Variants in ESRRG observed in about 807,000 individuals in gnomAD.
ESRRG encodes the protein estrogen-related receptor gamma.
In ESRRG, 13 loss-of-function variants were observed where a neutral mutation model predicts 44.0. The observed-to-expected ratio is 0.30, with a 90% CI of 0.19 to 0.47. The LOEUF (loss-of-function observed/expected upper bound fraction) is 0.47, where lower values mean the gene tolerates loss of function less well. Among genes scored for constraint, ESRRG ranks in the 20% least tolerant of loss-of-function variants. The probability of loss-of-function intolerance (pLI) is 1.00; values close to 1 mark genes in which losing one functional copy is unlikely to be tolerated. For synonymous variants in ESRRG, 215 were observed against 214.6 expected (o/e 1.00, Z -0.02); for missense variants, 395 against 580.6 (o/e 0.68, Z 3.29).
At chr1:216,679,632 T>C (rs6700110) in intron 1 of ESRRG, among the ~76,000 whole-genome samples, 4,092 of 107,158 alleles carry the variant, frequency 0.038, 178 homozygotes, top group African/African-American at 0.1. Flanking sequence ...ATTTTTTTTT[T>C]CTTTTTTTTT....
At chr1:216,898,355 C>T (rs1363205743) in intron 2 of ESRRG, among the ~76,000 whole-genome samples, 3 of 152,132 alleles carry the variant, frequency 2.0e-5, no homozygotes, top group Non-Finnish European at 4.4e-5. Context: ...CGGTGGCTCA[C>T]GCCTGTAATC....
intron 1 of ESRRG, among the ~76,000 whole-genome samples, chr1:217,128,954 T>TA (rs1239640835): frequency 6.6e-6 from 1 of 152,042 alleles, no homozygotes; most frequent in Non-Finnish European, 1.5e-5. Flanking sequence ...CTGGGCAACA[T>TA]AATGAGACCC....
chr1:216,923,659 G>T (rs1213860187), intron 2 of ESRRG, among the ~76,000 whole-genome samples: 1 of 152,202 alleles, frequency 6.6e-6, no homozygotes, highest in East Asian at 1.9e-4. Context: ...AGTGGCAGCA[G>T]GTTTTAAGGA....
At chr1:216,704,710 ATAT>A (rs2082109606) in intron 1 of ESRRG, among the ~76,000 whole-genome samples, 1 of 152,230 alleles carries the variant, frequency 6.6e-6, no homozygotes. Context: ...ATAACATATA[ATAT>A]TATCCACACG....
chr1:216,577,952 G>A (rs550083008), intron 3 of ESRRG, among the ~76,000 whole-genome samples: 1 of 152,050 alleles, frequency 6.6e-6, no homozygotes, highest in African/African-American at 2.4e-5. Flanking sequence ...CAATGTGTTA[G>A]CAATTCACTG....
At chr1:216,805,800 G>A (rs1371976230) in intron 2 of ESRRG, among the ~76,000 whole-genome samples, 1 of 150,568 alleles carries the variant, frequency 6.6e-6, no homozygotes, top group Non-Finnish European at 1.5e-5. Context: ...TTGTTTATTT[G>A]TTTTTGTTTC....
At chr1:216,932,438 T>A (rs1303307686) in intron 2 of ESRRG, among the ~76,000 whole-genome samples, 1 of 152,158 alleles carries the variant, frequency 6.6e-6, no homozygotes, top group Non-Finnish European at 1.5e-5. Context: ...CAAATTGAAG[T>A]AAGATACTAC....
intron 1 of ESRRG, among the ~76,000 whole-genome samples, chr1:217,052,519 C>A (rs2086247716): frequency 1.3e-5 from 2 of 152,196 alleles, no homozygotes; most frequent in South Asian, 4.1e-4. Context: ...CTCTGTCTCA[C>A]TCCCCATCTT....
chr1:216,698,441 C>T (rs2151833769), intron 1 of ESRRG, among the ~76,000 whole-genome samples: 1 of 150,858 alleles, frequency 6.6e-6, no homozygotes, highest in South Asian at 2.1e-4. Context: ...ACGGCGTGAA[C>T]CCGGGAGGCG....
At chr1:217,014,028 C>A (rs1210957362) in intron 1 of ESRRG, among the ~76,000 whole-genome samples, 1 of 152,020 alleles carries the variant, frequency 6.6e-6, no homozygotes, top group African/African-American at 2.4e-5. Context: ...GGGTGCCTAT[C>A]CACCCTTCTT....
At chr1:216,821,799 T>C (rs1376420206) in intron 2 of ESRRG, among the ~76,000 whole-genome samples, 1 of 151,560 alleles carries the variant, frequency 6.6e-6, no homozygotes, top group Non-Finnish European at 1.5e-5. Context: ...TGAAATTTCC[T>C]TATGATTCAA....
At chr1:217,020,741 G>A (rs1456689717) in intron 1 of ESRRG, among the ~76,000 whole-genome samples, 1 of 152,128 alleles carries the variant, frequency 6.6e-6, no homozygotes, top group African/African-American at 2.4e-5. Context: ...TTAAATCATG[G>A]TAAATTACAC....
intron 1 of ESRRG, among the ~76,000 whole-genome samples, chr1:217,068,680 T>C (rs1358519840): frequency 6.6e-6 from 1 of 151,590 alleles, no homozygotes; most frequent in African/African-American, 2.4e-5. Context: ...TAGAAGGGAG[T>C]CGTTTTGCAT....
At chr1:216,642,032 T>C (rs1248480006) in intron 3 of ESRRG, among the ~76,000 whole-genome samples, 2 of 152,208 alleles carry the variant, frequency 1.3e-5, no homozygotes, top group Admixed American at 1.3e-4. Context: ...TATCTCATAA[T>C]ACCCATAGCC....
chr1:216,848,582 A>G (rs1192141935), intron 2 of ESRRG, among the ~76,000 whole-genome samples: 1 of 152,150 alleles, frequency 6.6e-6, no homozygotes, highest in Non-Finnish European at 1.5e-5. Flanking sequence ...TACATTGCGC[A>G]GCATGTTGCT....
At chr1:216,594,955 T>G (rs997440042) in intron 3 of ESRRG, among the ~76,000 whole-genome samples, 4 of 152,204 alleles carry the variant, frequency 2.6e-5, no homozygotes, top group Non-Finnish European at 5.9e-5. Flanking sequence ...TTCTAGCATC[T>G]GTCATATCAC....
At chr1:216,973,218 T>C (rs1047378500) in intron 1 of ESRRG, among the ~76,000 whole-genome samples, 1 of 152,114 alleles carries the variant, frequency 6.6e-6, no homozygotes, top group African/African-American at 2.4e-5. Flanking sequence ...TGGTTTTATC[T>C]CATTCAGGGT....
chr1:216,682,149 A>G (rs1022742401), intron 1 of ESRRG: 8 of 152,204 alleles, frequency 5.3e-5, no homozygotes, highest in African/African-American at 1.2e-4. Flanking sequence ...TTCATTTGCT[A>G]CTGTATTTCC....
intron 2 of ESRRG, among the ~76,000 whole-genome samples, chr1:216,887,307 A>G (rs2096529680): frequency 6.6e-6 from 1 of 152,206 alleles, no homozygotes; most frequent in Non-Finnish European, 1.5e-5. Flanking sequence ...TTGCCAAATT[A>G]TATATATTAC....
Sources: gnomAD v4.1 joint callset for allele counts (sites outside exome capture counted in the v4.1 genomes callset) on GRCh38, gnomAD v4.1.1 for gene constraint, MANE v1.5 for transcripts, NCBI Gene and HGNC (gene_info 2026-07-23, HGNC 2026-07-21) for gene names.